Variants in MYH9 observed in about 807,000 individuals in gnomAD.
The protein encoded by MYH9 is myosin-9.
In MYH9, 29 loss-of-function variants were observed where a neutral mutation model predicts 241.9. The ratio of observed to expected loss-of-function variants is 0.12; its 90% CI spans 0.09 to 0.16. MYH9 has a LOEUF of 0.16. Ranked by LOEUF, MYH9 falls within the 10% of genes least tolerant of loss-of-function variation. MYH9 has a pLI of 1.00. For synonymous variants in MYH9, 1,047 were observed against 1,062.6 expected, an observed-to-expected ratio of 0.99 and a Z score of 0.29; for missense variants, 1,803 against 2,595.5, an observed-to-expected ratio of 0.69 and a Z score of 6.63.
rs368887184 is a variant in MYH9 at position 36,336,387 on chromosome 22, C to T, written c.490+4983G>A. On this transcript the variant is annotated intron_variant, in intron 3 of 40. Coordinates refer to ENST00000216181, the MANE Select transcript of MYH9 (RefSeq NM_002473.6). ...TAGGCGAGGCAGACCTTTTGCAGAC[C>T]ACAGCTGCTTCCACCTGAACTTTAC... 7.2e-5 allele frequency among the ~76,000 whole-genome samples: 11 copies of T among 152,202 alleles called. No individual in the cohort carries two copies. In the East Asian group the frequency reaches 2.1e-3, roughly 29 times the overall value.
At chr22:36,381,681 T>G (rs2146428088) in intron 1 of MYH9, among the ~76,000 whole-genome samples, 1 of 152,292 alleles carries the variant, frequency 6.6e-6, no homozygotes, top group East Asian at 1.9e-4. Flanking sequence ...AAGCACCATT[T>G]ACACTACTTT....
At chr22:36,349,793 A>G (rs1018080322) in intron 1 of MYH9, among the ~76,000 whole-genome samples, 14 of 152,172 alleles carry the variant, frequency 9.2e-5, no homozygotes, top group African/African-American at 3.4e-4. Flanking sequence ...AATCAAGAAA[A>G]CTATTGTGCC....
chr22:36,387,751 C>A (rs1257432003), intron 1 of MYH9, 56 bp downstream of exon 1: 2 of 151,942 alleles, frequency 1.3e-5, no homozygotes, highest in African/African-American at 4.8e-5. Context: ...GCGCGTCTCG[C>A]CCCCGCCCGC....
chr22:36,293,504 G>C lies in MYH9; in HGVS notation c.3943-23C>G. 1 of 1,611,608 alleles carries C rather than the reference G, an allele frequency of 6.2e-7. No individual in the cohort carries two copies. The highest frequency in any genetic ancestry group is 8.5e-7 in the Non-Finnish European group (1 of 1,179,986). On this transcript the variant is annotated intron_variant, in intron 29 of 40. Coordinates refer to ENST00000216181, the MANE Select transcript of MYH9 (RefSeq NM_002473.6). This position sits in a 1 kb window ranked among gnomAD's most constrained non-coding sequence, Gnocchi z 5.1. The stretch of plus-strand genomic sequence containing the variant: ...CTCCTACTCGCGGGTTGAGAGGGGT[G>C]CGGGTGCTTAGGAGGGTGGTGTCCA...
chr22:36,367,006 A>C (rs192218994), intron 1 of MYH9, among the ~76,000 whole-genome samples: 1 of 152,288 alleles, frequency 6.6e-6, no homozygotes, highest in African/African-American at 2.4e-5. Context: ...CCCCTTTGAG[A>C]ACTTGTGAGA....
chr22:36,325,238 G>A (rs776752026), intron 5 of MYH9: 21 of 646,362 alleles, frequency 3.2e-5, no homozygotes, highest in African/African-American at 2.4e-4. Flanking sequence ...AACTCCTGAC[G>A]CCCCATGGAA....
intron 30 of MYH9, 112 bp from the exon 31 acceptor site, chr22:36,292,346 G>C: frequency 6.9e-7 from 1 of 1,445,198 alleles, no homozygotes; most frequent in Non-Finnish European, 9.6e-7. Flanking sequence ...GGGGCACCAG[G>C]GATCTGCCCA....
chr22:36,322,389 C>A (rs766115612), intron 6 of MYH9, 40 bp downstream of exon 6: 4 of 1,600,848 alleles, frequency 2.5e-6, no homozygotes, highest in Non-Finnish European at 3.4e-6. Flanking sequence ...CCGGGCAAGG[C>A]CCTCTGTCCC....
chr22:36,333,565 G>A lies in MYH9; in HGVS notation c.491-6077C>T, dbSNP rs1198195147. Among the ~76,000 whole-genome samples the A allele has an allele frequency of 2.0e-5, 3 of 152,252 alleles. 1 individual carries two copies. The highest frequency in any genetic ancestry group is 4.8e-5 in the African/African-American group (2 of 41,456). ...AGTTTATGATCAAGGTCCACACGGG[G>A]CTGACAGCCTTGGTCAAGACTAAAC... On this transcript the variant is annotated intron_variant, in intron 3 of 40. Coordinates refer to ENST00000216181, the MANE Select transcript of MYH9 (RefSeq NM_002473.6).
intron 1 of MYH9, among the ~76,000 whole-genome samples, chr22:36,359,977 T>C (rs555238722): frequency 5.9e-5 from 9 of 152,052 alleles, no homozygotes; most frequent in African/African-American, 2.2e-4. Context: ...TCACAATTCC[T>C]GTGACCTTGA....
At chr22:36,318,054 C>A (rs1556636666) in intron 11 of MYH9, among the ~76,000 whole-genome samples, 153 bp downstream of exon 11, 1 of 152,206 alleles carries the variant, frequency 6.6e-6, no homozygotes, top group Non-Finnish European at 1.5e-5. Flanking sequence ...CGTTATGCCA[C>A]CTCTCTCCGG....
chr22:36,291,306 T>C (rs936727898), intron 31 of MYH9, among the ~76,000 whole-genome samples: 4 of 152,224 alleles, frequency 2.6e-5, no homozygotes, highest in African/African-American at 7.2e-5. Context: ...GAAGTATACA[T>C]GGGAGACTTT....
At chr22:36,289,362 C>T (rs897710578) in intron 31 of MYH9, 65 bp from the exon 32 acceptor site, 1 of 1,470,438 alleles carries the variant, frequency 6.8e-7, no homozygotes, top group African/African-American at 1.4e-5. Context: ...GGCAGCTGGG[C>T]CTAAGCTCCC....
chr22:36,298,812 C>T, intron 24 of MYH9, 107 bp downstream of exon 24: 5 of 1,525,310 alleles, frequency 3.3e-6, no homozygotes, highest in Non-Finnish European at 4.5e-6. Context: ...CCAGGCTCAC[C>T]CGTGAGCTGA....
At chr22:36,326,432 G>A in intron 5 of MYH9, 136 bp downstream of exon 5, 2 of 882,816 alleles carry the variant, frequency 2.3e-6, no homozygotes, top group South Asian at 2.6e-5. Flanking sequence ...TGCCTCAATG[G>A]AAATGGGCCC....
chr22:36,359,179 G>A (rs1462185549), intron 1 of MYH9, among the ~76,000 whole-genome samples: 2 of 152,216 alleles, frequency 1.3e-5, no homozygotes, highest in African/African-American at 4.8e-5. Context: ...TAACCAAACA[G>A]CTAAATACTC....
intron 5 of MYH9, among the ~76,000 whole-genome samples, chr22:36,323,086 T>C (rs1461780495): frequency 1.3e-5 from 2 of 152,228 alleles, no homozygotes; most frequent in Admixed American, 1.3e-4. Flanking sequence ...ACGGGATCCA[T>C]GAGGCCCACT....
chr22:36,376,686 G>A lies in MYH9; in HGVS notation c.-20+11121C>T, dbSNP rs113577995. 6.8e-3 allele frequency among the ~76,000 whole-genome samples: 1,042 copies of A among 152,256 alleles called. 18 individuals are homozygous for A. Among genetic ancestry groups the A allele is most frequent in the African/African-American group, 0.021 (862 of 41,540 alleles). On this transcript the variant is annotated intron_variant, in intron 1 of 40. Transcript: ENST00000216181. ...ACCTTTCTCCTCCCAGGGATTCCCC[G>A]ATCAGTGTTCTGTAAAATGAAGAGG...
At chr22:36,284,625 T>C (rs369498734) in intron 38 of MYH9, 114 bp from the exon 39 acceptor site, 8 of 984,726 alleles carry the variant, frequency 8.1e-6, no homozygotes, top group East Asian at 5.2e-5. Context: ...AGGGATCACG[T>C]AGGGAGGCCT....
Sources: allele counts gnomAD v4.1 joint callset (sites outside exome capture counted in the v4.1 genomes callset), GRCh38; gene constraint gnomAD v4.1.1; non-coding constraint Gnocchi (gnomAD v3.1); transcripts MANE v1.5; gene names NCBI Gene and HGNC (gene_info 2026-07-23, HGNC 2026-07-21).